The following VAT1L variants were observed in gnomAD, a reference collection of about 807,000 sequenced individuals.
The protein encoded by VAT1L is vesicle amine transport 1 like.
VAT1L carries 34 observed loss-of-function variants against 44.1 expected under a neutral mutation model. That is an observed-to-expected ratio of 0.77 (90% CI 0.59 to 1.03). The LOEUF is 1.03. VAT1L is among the 50% of genes least tolerant of loss of function. The pLI is 0.00. For missense variants in VAT1L, 615 were observed against 538.8 expected (o/e 1.14, Z -1.40); for synonymous variants, 253 against 202.2 (o/e 1.25, Z -2.13).
chr16:77,816,857 C>T (rs1213025722), intron 1 of VAT1L, 64 bp from the exon 2 acceptor site: 1 of 1,476,336 alleles, frequency 6.8e-7, no homozygotes, highest in Non-Finnish European at 9.0e-7. Flanking sequence ...AAAAGAAAAC[C>T]AGGTCGGTGC....
intron 3 of VAT1L, among the ~76,000 whole-genome samples, chr16:77,836,796 G>A (rs2145255873): frequency 2.0e-5 from 3 of 152,284 alleles, no homozygotes; most frequent in Middle Eastern, 6.8e-3. Context: ...AATCATGATT[G>A]ACTCAAATGA....
chr16:77,843,693 C>T (rs544309721), intron 3 of VAT1L, among the ~76,000 whole-genome samples: 1 of 152,314 alleles, frequency 6.6e-6, no homozygotes, highest in African/African-American at 2.4e-5. Context: ...AGACCTGGAC[C>T]CCCCTTCACA....
At chr16:77,943,912 G>A (rs1324756441) in intron 7 of VAT1L, among the ~76,000 whole-genome samples, 2 of 152,272 alleles carry the variant, frequency 1.3e-5, no homozygotes, top group South Asian at 4.1e-4. Flanking sequence ...GTTTAAAGGA[G>A]AGCTTCAAAG....
intron 7 of VAT1L, among the ~76,000 whole-genome samples, chr16:77,910,474 C>T (rs1014561099): frequency 1.3e-5 from 2 of 152,028 alleles, no homozygotes; most frequent in African/African-American, 4.8e-5. Context: ...AGATCGAGAC[C>T]ATCCTGGCTA....
chr16:77,923,861 C>T (rs570932487), intron 7 of VAT1L, among the ~76,000 whole-genome samples: 155 of 152,244 alleles, frequency 1.0e-3, no homozygotes, highest in African/African-American at 3.4e-3. Flanking sequence ...GCTTAGCAGC[C>T]GACACACTGG....
At chr16:77,872,471 T>C (rs1249251107) in intron 4 of VAT1L, among the ~76,000 whole-genome samples, 1 of 152,114 alleles carries the variant, frequency 6.6e-6, no homozygotes, top group African/African-American at 2.4e-5. Flanking sequence ...AGGAACGCAA[T>C]TACCCAGCCC....
intron 8 of VAT1L, 87 bp downstream of exon 8, chr16:77,972,020 A>C: frequency 7.6e-7 from 1 of 1,312,096 alleles, no homozygotes; most frequent in South Asian, 1.4e-5. Flanking sequence ...GGGTAGAAGG[A>C]AGTACAGGTA....
In VAT1L at chr16:77,792,630, T is replaced by G. The variant is rs28572301; in HGVS notation, c.233+3715T>G. Among the ~76,000 whole-genome samples, 1,432 of 152,180 alleles carry G rather than the reference T, an allele frequency of 9.4e-3. 24 individuals carry two copies. Among genetic ancestry groups the G allele is most frequent in the African/African-American group, 0.032 (1,325 of 41,528 alleles). ...CAAGCAGAAGTGGCTTCTATCTGACTGAGCAAAATTCTCTAGGGAAAGGGA... is the reference window on the plus strand; with the variant it reads ...CAAGCAGAAGTGGCTTCTATCTGACGGAGCAAAATTCTCTAGGGAAAGGGA... On this transcript the variant is annotated intron_variant, in intron 1 of 8. Coordinates refer to ENST00000302536, the MANE Select transcript of VAT1L (RefSeq NM_020927.3).
rs200017914 is a variant in VAT1L, at chr16:77,816,935, T to C, written c.248T>C (p.Ile83Thr). 138 of 1,613,642 alleles carry C rather than the reference T, an allele frequency of 8.6e-5. No individual in the cohort carries two copies. The highest frequency in any genetic ancestry group is 5.3e-4 in the East Asian group (24 of 44,864). Residue 83 changes from isoleucine (I) to threonine (T), a missense_variant, in exon 2 of 9, where the codon ATT becomes ACT. By Grantham distance (89) the Ile-to-Thr change is moderately conservative (BLOSUM62 -1). Coordinates refer to ENST00000302536, the MANE Select transcript of VAT1L (RefSeq NM_020927.3). ...IRVKACGLNF[I>T]DLMVRQGNID... The stretch of plus-strand genomic sequence containing the variant: ...GCTCTTTACAGTGGATTAAACTTCA[T>C]TGACTTGATGGTGCGACAAGGGAAT...
chr16:77,821,573 A>G (rs113331764), intron 2 of VAT1L, among the ~76,000 whole-genome samples: 28,408 of 152,132 alleles, frequency 0.19, 2,795 homozygotes, highest in Admixed American at 0.25. Flanking sequence ...GATTACAGGC[A>G]TGAGCCACCG....
At chr16:77,821,859 G>C (rs1223117992) in intron 2 of VAT1L, among the ~76,000 whole-genome samples, 1 of 152,034 alleles carries the variant, frequency 6.6e-6, no homozygotes, top group African/African-American at 2.4e-5. Flanking sequence ...GGAAAGTTTT[G>C]GAGAAAAGAA....
chr16:77,966,302 C>T (rs2018221493), intron 7 of VAT1L, among the ~76,000 whole-genome samples: 1 of 152,098 alleles, frequency 6.6e-6, no homozygotes, highest in South Asian at 2.1e-4. Context: ...CATCACTAGC[C>T]AACTGAGGTG....
In VAT1L at chr16:77,884,893, T is replaced by A; in HGVS notation, c.1077+91T>A. The A allele has an allele frequency of 7.3e-7, 1 of 1,365,816 alleles. No homozygotes were observed. Among genetic ancestry groups the A allele is most frequent in the Non-Finnish European group, 9.6e-7 (1 of 1,040,984 alleles). 84.6% of individuals were successfully genotyped at this position (1,365,816 alleles called of 1,614,324 possible). ...AAATACAATCTTCTACTAAATGATT[T>A]TTTTCCCAGATGGGTTTGTTTTAAA... On this transcript the variant is annotated intron_variant, in intron 7 of 8. Transcript: ENST00000302536. This position sits in a 1 kb window ranked among gnomAD's most constrained non-coding sequence, Gnocchi z 4.5.
At chr16:77,871,540 G>A (rs1443455898) in intron 4 of VAT1L, among the ~76,000 whole-genome samples, 1 of 152,126 alleles carries the variant, frequency 6.6e-6, no homozygotes, top group Non-Finnish European at 1.5e-5. Context: ...ATTCACCTTT[G>A]ATGCCCTTGC....
intron 7 of VAT1L, among the ~76,000 whole-genome samples, chr16:77,967,148 G>C (rs2018231904): frequency 6.6e-6 from 1 of 152,088 alleles, no homozygotes; most frequent in South Asian, 2.1e-4. Flanking sequence ...TGTTATATGA[G>C]AGCAGTTTGG....
At chr16:77,823,675 T>A (rs1258251638) in intron 2 of VAT1L, among the ~76,000 whole-genome samples, 1 of 152,220 alleles carries the variant, frequency 6.6e-6, no homozygotes, top group Non-Finnish European at 1.5e-5. Flanking sequence ...TCTAGTACAT[T>A]ATGATTGTTT....
At chr16:77,948,146 A>G (rs999940698) in intron 7 of VAT1L, among the ~76,000 whole-genome samples, 1 of 152,174 alleles carries the variant, frequency 6.6e-6, no homozygotes, top group African/African-American at 2.4e-5. Flanking sequence ...CTCTTCATTC[A>G]TAGCTAGGAT....
intron 7 of VAT1L, among the ~76,000 whole-genome samples, chr16:77,925,842 C>T (rs1024880320): frequency 2.0e-5 from 3 of 152,076 alleles, no homozygotes; most frequent in Admixed American, 6.6e-5. Context: ...TAATTCCCCC[C>T]ACCTCCCCCT....
chr16:77,832,836 C>A (rs1475805343), intron 3 of VAT1L, among the ~76,000 whole-genome samples: 1 of 152,158 alleles, frequency 6.6e-6, no homozygotes, highest in Non-Finnish European at 1.5e-5. Context: ...CTCCCTGAAC[C>A]AACATCATCT....
Sources: gnomAD v4.1 joint callset for allele counts (sites outside exome capture counted in the v4.1 genomes callset) on GRCh38, gnomAD v4.1.1 for gene constraint, Gnocchi (gnomAD v3.1) non-coding constraint, MANE v1.5 for transcripts, NCBI Gene and HGNC (gene_info 2026-07-23, HGNC 2026-07-21) for gene names.